The following SYT1 variants were observed in gnomAD, a reference collection of about 807,000 sequenced individuals.
SYT1 encodes the protein synaptotagmin 1, also known as synaptotagmin-1.
Under a neutral mutation model 44.8 loss-of-function variants are expected in SYT1, and 8 were observed. The observed-to-expected ratio is 0.18, with a 90% confidence interval of 0.10 to 0.32. The LOEUF (loss-of-function observed/expected upper bound fraction) is 0.32, where lower values mean the gene tolerates loss of function less well. SYT1 is among the 10% of genes least tolerant of loss of function. The probability of loss-of-function intolerance (pLI) is 1.00; values close to 1 mark genes in which losing one functional copy is unlikely to be tolerated. For missense variants in SYT1, 286 were observed against 509.3 expected (o/e 0.56, Z 4.22); for synonymous variants, 154 against 188.8 (o/e 0.82, Z 1.51).
intron 1 of SYT1, among the ~76,000 whole-genome samples, chr12:78,904,887 A>G (rs920794329): frequency 1.3e-5 from 2 of 152,188 alleles, no homozygotes; most frequent in African/African-American, 2.4e-5. Flanking sequence ...AAAAGATTTC[A>G]AAGTTTAAAT....
At chr12:79,395,243 G>A (rs992802170) in intron 9 of SYT1, among the ~76,000 whole-genome samples, 1 of 152,074 alleles carries the variant, frequency 6.6e-6, no homozygotes, top group Admixed American at 6.6e-5. Context: ...TTTTTGAGAT[G>A]GAGTCACTTC....
chr12:79,232,178 C>G (rs1875910028), intron 4 of SYT1, among the ~76,000 whole-genome samples: 1 of 152,198 alleles, frequency 6.6e-6, no homozygotes, highest in South Asian at 2.1e-4. Context: ...TGGTCACATT[C>G]AAATTCCATA....
At chr12:79,339,335 T>C (rs1882248870) in intron 8 of SYT1, among the ~76,000 whole-genome samples, 1 of 152,174 alleles carries the variant, frequency 6.6e-6, no homozygotes, top group South Asian at 2.1e-4. Context: ...GCACCTGTTG[T>C]TTCCTGACTT....
chr12:78,980,736 G>T (rs1869189086), intron 2 of SYT1, among the ~76,000 whole-genome samples: 1 of 152,074 alleles, frequency 6.6e-6, no homozygotes, highest in Non-Finnish European at 1.5e-5. Context: ...AATACTATAT[G>T]ATCGTCAAAA....
At chr12:79,125,468 T>G (rs1217298511) in intron 3 of SYT1, among the ~76,000 whole-genome samples, 1 of 115,756 alleles carries the variant, frequency 8.6e-6, no homozygotes, top group Non-Finnish European at 1.8e-5. Flanking sequence ...AAAAAAAAAA[T>G]TAGCTGTGTG....
At chr12:79,093,413 A>G (rs1049913527) in intron 3 of SYT1, among the ~76,000 whole-genome samples, 1 of 151,774 alleles carries the variant, frequency 6.6e-6, no homozygotes, top group African/African-American at 2.4e-5. Context: ...CAGTTTTTCT[A>G]AGTAATCAAA....
chr12:79,220,364 G>T (rs889145173), intron 4 of SYT1, among the ~76,000 whole-genome samples: 3 of 151,898 alleles, frequency 2.0e-5, no homozygotes, highest in Non-Finnish European at 4.4e-5. Flanking sequence ...TTTCAAAAAT[G>T]CAGTTTTGTT....
chr12:79,029,117 G>C (rs1872692756), intron 2 of SYT1, among the ~76,000 whole-genome samples: 1 of 151,002 alleles, frequency 6.6e-6, no homozygotes, highest in Non-Finnish European at 1.5e-5. Flanking sequence ...TTGTTCCTGG[G>C]TAATTTCTAC....
At position 78,925,405 on chromosome 12, in the gene SYT1, T is replaced by C. The variant is rs532178411; in HGVS notation, c.-216-52394T>C. 2.6e-5 allele frequency among the ~76,000 whole-genome samples: 4 copies of C among 152,104 alleles called. No homozygotes were observed. The South Asian group carries it at 6.2e-4, about 24-fold the overall frequency. On this transcript the variant is annotated intron_variant, in intron 1 of 10. Transcript: ENST00000261205. ...ATAGTTCTAATAGTCAAGGTTCATA[T>C]AGTTCAAAAGTTAACTGAGGTTCCC...
intron 3 of SYT1, among the ~76,000 whole-genome samples, chr12:79,126,858 G>T (rs1868475753): frequency 6.6e-6 from 1 of 152,114 alleles, no homozygotes; most frequent in Non-Finnish European, 1.5e-5. Flanking sequence ...GTGCTTATTT[G>T]TCAACCCTAT....
At chr12:79,181,962 G>A (rs774226860) in intron 3 of SYT1, among the ~76,000 whole-genome samples, 19 of 151,722 alleles carry the variant, frequency 1.3e-4, no homozygotes, top group African/African-American at 3.9e-4. Context: ...AGTCATCTCC[G>A]TTTTAATTTA....
intron 9 of SYT1, chr12:79,392,803 T>C (rs1368966352): frequency 6.6e-6 from 1 of 150,830 alleles, no homozygotes; most frequent in Non-Finnish European, 1.5e-5. Context: ...TCTTTCTTTT[T>C]TTTTTTTTTT....
chr12:79,300,338 C>T (rs1318528431), intron 8 of SYT1, among the ~76,000 whole-genome samples: 5 of 152,112 alleles, frequency 3.3e-5, no homozygotes, highest in African/African-American at 7.2e-5. Context: ...CAACTCCTTT[C>T]GCAGTCACTC....
intron 1 of SYT1, among the ~76,000 whole-genome samples, chr12:78,970,641 A>G (rs534520351): frequency 6.6e-6 from 1 of 152,300 alleles, no homozygotes; most frequent in South Asian, 2.1e-4. Context: ...TATTCCTATT[A>G]TCTTCTTCAG....
intron 3 of SYT1, among the ~76,000 whole-genome samples, chr12:79,048,875 A>T (rs1874264360): frequency 6.6e-6 from 1 of 151,932 alleles, no homozygotes; most frequent in Admixed American, 6.6e-5. Context: ...TAATACCCTA[A>T]CATAGACAAT....
At chr12:79,384,147 A>T (rs565255771) in intron 9 of SYT1, among the ~76,000 whole-genome samples, 35 of 152,128 alleles carry the variant, frequency 2.3e-4, no homozygotes, top group Non-Finnish European at 4.1e-4. Context: ...ATGTTTCTGT[A>T]CTGAGTGCTG....
intron 9 of SYT1, among the ~76,000 whole-genome samples, chr12:79,420,159 G>A (rs1006708946): frequency 2.0e-5 from 3 of 152,088 alleles, no homozygotes; most frequent in African/African-American, 7.2e-5. Flanking sequence ...AGTATTTCTA[G>A]ATATTTACAT....
intron 5 of SYT1, among the ~76,000 whole-genome samples, chr12:79,286,899 C>A (rs941937827): frequency 1.3e-5 from 2 of 151,978 alleles, no homozygotes; most frequent in African/African-American, 4.8e-5. Context: ...TCATCAAATA[C>A]AAAAGTTTTA....
chr12:79,061,846 T>G (rs1875409647), intron 3 of SYT1, among the ~76,000 whole-genome samples: 1 of 152,122 alleles, frequency 6.6e-6, no homozygotes, highest in Admixed American at 6.6e-5. Flanking sequence ...TAAATTAAAG[T>G]GTTTGAAGTT....
Sources: gnomAD v4.1 joint callset for allele counts (sites outside exome capture counted in the v4.1 genomes callset) on GRCh38, gnomAD v4.1.1 for gene constraint, MANE v1.5 for transcripts, NCBI Gene and HGNC (gene_info 2026-07-23, HGNC 2026-07-21) for gene names.